The following ABLIM1 variants were observed in gnomAD, a reference collection of about 807,000 sequenced individuals.
ABLIM1 encodes the protein actin binding LIM protein 1, also known as actin-binding LIM protein 1.
A neutral mutation model predicts 107.0 loss-of-function variants in ABLIM1; 40 were observed. The ratio of observed to expected loss-of-function variants is 0.37; its 90% CI spans 0.29 to 0.49. ABLIM1 has a LOEUF of 0.49. Ranked by LOEUF, ABLIM1 falls within the 20% of genes least tolerant of loss-of-function variation. The pLI is 0.97. For missense variants in ABLIM1, 857 were observed against 1,008.5 expected, an observed-to-expected ratio of 0.85 and a Z score of 2.04; for synonymous variants, 357 against 357.3, an observed-to-expected ratio of 1.00 and a Z score of 0.01.
At chr10:114,528,146 T>A (rs2065056687) in intron 6 of ABLIM1, among the ~76,000 whole-genome samples, 2 of 152,050 alleles carry the variant, frequency 1.3e-5, no homozygotes, top group Non-Finnish European at 2.9e-5. Flanking sequence ...ATTTTTAAAT[T>A]TTTTGTGGAG....
chr10:114,639,133 C>T (rs1218449081), intron 1 of ABLIM1, among the ~76,000 whole-genome samples: 2 of 152,190 alleles, frequency 1.3e-5, no homozygotes, highest in Non-Finnish European at 2.9e-5. Context: ...CTCTCATACT[C>T]TTGGATTTGT....
rs529678696 is a variant in ABLIM1 at position 114,646,953 on chromosome 10, A to G, written c.244+11004T>C. Among the ~76,000 whole-genome samples, 3 of 152,260 alleles carry G rather than the reference A, an allele frequency of 2.0e-5. No individual in the cohort carries two copies. The South Asian group carries it at 6.2e-4, about 32-fold the overall frequency. ...TAGCACTGGACCAATTGGTGACCTC[A>G]AAGATTAGACAGTTTTTTAAATTAA... On this transcript the variant is annotated intron_variant, in intron 1 of 22. Coordinates refer to ENST00000533213, the MANE Select transcript of ABLIM1 (RefSeq NM_002313.7).
At chr10:114,784,056 G>C in the ABLIM1 span, among the ~76,000 whole-genome samples, 3 of 151,840 alleles carry the variant, frequency 2.0e-5, no homozygotes, top group African/African-American at 7.3e-5. Context: ...CTTTTCTAAA[G>C]AAACGGATGG....
chr10:114,774,504 G>T, the ABLIM1 span, among the ~76,000 whole-genome samples: 1 of 152,214 alleles, frequency 6.6e-6, no homozygotes, highest in Admixed American at 6.5e-5. Context: ...ATCTACAGAA[G>T]AGTGTTCTTG....
At chr10:114,715,461 A>G (rs2081641219) in intron 1 of ABLIM1, among the ~76,000 whole-genome samples, 2 of 152,182 alleles carry the variant, frequency 1.3e-5, no homozygotes, top group South Asian at 4.1e-4. Context: ...GTGAAACCAA[A>G]CAAAAACAAA....
chr10:114,549,100 G>A (rs187422697), intron 4 of ABLIM1, among the ~76,000 whole-genome samples: 25 of 152,114 alleles, frequency 1.6e-4, no homozygotes, highest in Non-Finnish European at 2.9e-4. Flanking sequence ...TACCTAGCAC[G>A]TGGGCTGGGT....
Position 114,432,303 on chromosome 10 carries a change from G to A in ABLIM1, c.*3957C>T, listed in dbSNP as rs1420592417. The A allele has an allele frequency of 6.6e-6, 1 of 152,202 alleles. No homozygotes were observed. Among genetic ancestry groups the A allele is most frequent in the Non-Finnish European group, 1.5e-5 (1 of 68,036 alleles). The allele number at this position is 152,202 out of a possible 1,614,324, so 9.4% of individuals were successfully genotyped here. A position where few individuals can be genotyped will look rare whatever the true frequency, so the allele number is the denominator to read the frequency against. On this transcript the variant is annotated 3_prime_UTR_variant, in exon 23 of 23. Coordinates refer to ENST00000533213, the MANE Select transcript of ABLIM1 (RefSeq NM_002313.7). ...GAGGTGGTTAATAAAAACTGAGATT[G>A]CTTCAGAGGACACAGGAGGGTTGAT...
rs7914200 is a variant in ABLIM1 at position 114,632,543 on chromosome 10, A to G, written c.244+25414T>C. On this transcript the variant is annotated intron_variant, in intron 1 of 22. Transcript: ENST00000533213. ...ATGGCAATTTCAAGTTCACTTTCTT[A>G]TGAAAAATGAATAATGACATTTGGT... The G allele has an allele frequency of 5.5e-3, 5,375 of 985,372 alleles. 214 individuals are homozygous for G. The African/African-American group carries it at 0.087, about 16-fold the overall frequency. The allele number at this position is 985,372 out of a possible 1,614,324, so 61.0% of individuals were successfully genotyped here.
chr10:114,444,238 C>T, intron 16 of ABLIM1, 104 bp from the exon 17 acceptor site: 1 of 1,020,246 alleles, frequency 9.8e-7, no homozygotes, highest in Middle Eastern at 2.7e-4. Context: ...AGAAGTTTCT[C>T]TTGCTGGAGG....
chr10:114,471,808 TTC>T (rs767889457), intron 10 of ABLIM1, among the ~76,000 whole-genome samples: 5 of 152,204 alleles, frequency 3.3e-5, no homozygotes, highest in Non-Finnish European at 4.4e-5. Flanking sequence ...ATTGTTTATA[TTC>T]TGTTTTAACC....
intron 4 of ABLIM1, among the ~76,000 whole-genome samples, chr10:114,567,178 C>T (rs1003738143): frequency 1.3e-5 from 2 of 152,202 alleles, no homozygotes; most frequent in Admixed American, 6.5e-5. Context: ...GACAAATGTG[C>T]CACTGCTCCA....
chr10:114,769,729 A>T (rs1012005463), upstream of ABLIM1, among the ~76,000 whole-genome samples: 7 of 152,204 alleles, frequency 4.6e-5, no homozygotes, highest in Non-Finnish European at 7.3e-5. Flanking sequence ...AAAATAATTG[A>T]TGGATAATTG....
intron 1 of ABLIM1, chr10:114,613,644 A>T: frequency 1.5e-6 from 2 of 1,316,442 alleles, no homozygotes; most frequent in Non-Finnish European, 2.0e-6. Context: ...TAAAGACACA[A>T]ACCTGCCCTC....
At chr10:114,740,806 G>A (rs1022414240) in intron 1 of ABLIM1, among the ~76,000 whole-genome samples, 1 of 152,082 alleles carries the variant, frequency 6.6e-6, no homozygotes, top group African/African-American at 2.4e-5. Flanking sequence ...CACTTTGGGA[G>A]GCTGAGGCAG....
chr10:114,695,656 T>G (rs897030168), intron 1 of ABLIM1, among the ~76,000 whole-genome samples: 1 of 152,196 alleles, frequency 6.6e-6, no homozygotes, highest in Non-Finnish European at 1.5e-5. Context: ...CTGGGTCCAT[T>G]ACAATTCAAC....
At chr10:114,583,468 C>CATATATATATATATAT (rs140129654) in intron 2 of ABLIM1, among the ~76,000 whole-genome samples, 53 of 14,982 alleles carry the variant, frequency 3.5e-3, no homozygotes, top group South Asian at 9.3e-3. Flanking sequence ...CACACACACA[C>CATATATATATATATAT]ATATATATAT....
intron 1 of ABLIM1, among the ~76,000 whole-genome samples, chr10:114,732,745 A>G (rs1344848239): frequency 6.7e-6 from 1 of 148,990 alleles, no homozygotes; most frequent in Non-Finnish European, 1.5e-5. Flanking sequence ...TATTTCTAGA[A>G]AAAAGGAAAA....
chr10:114,749,483 C>T (rs1746031), intron 1 of ABLIM1, among the ~76,000 whole-genome samples: 9 of 150,582 alleles, frequency 6.0e-5, no homozygotes, highest in Non-Finnish European at 7.4e-5. Context: ...CACACACACA[C>T]ACCACAAAAC....
Position 114,434,223 on chromosome 10 carries a change from T to C in ABLIM1, c.*2037A>G, listed in dbSNP as rs2059142714. On this transcript the variant is annotated 3_prime_UTR_variant, in exon 23 of 23. Transcript: ENST00000533213. ...TGGCTTCCAACCAAGCAAGAGCTGG[T>C]CTCATCTGCTCATGGCCACCCTGTC... 6.6e-6 allele frequency: 1 copy of C among 151,216 alleles called. No individual in the cohort carries two copies. The allele number at this position is 151,216 out of a possible 1,614,324, so 9.4% of individuals were successfully genotyped here. A position where few individuals can be genotyped will look rare whatever the true frequency, so the allele number is the denominator to read the frequency against.
Sources: allele counts gnomAD v4.1 joint callset (sites outside exome capture counted in the v4.1 genomes callset), GRCh38; gene constraint gnomAD v4.1.1; transcripts MANE v1.5; gene names NCBI Gene and HGNC (gene_info 2026-07-23, HGNC 2026-07-21).